The following CATSPER3 variants were observed in gnomAD, a reference collection of about 807,000 sequenced individuals.
CATSPER3 encodes cation channel sperm-associated protein 3.
Under a neutral mutation model 36.6 loss-of-function variants are expected in CATSPER3, and 23 were observed. That is an observed-to-expected ratio of 0.63 (90% CI 0.45 to 0.89). The LOEUF (loss-of-function observed/expected upper bound fraction) is 0.89, where lower values mean the gene tolerates loss of function less well. CATSPER3 is among the 40% of genes least tolerant of loss of function. CATSPER3 has a pLI of 0.00. For synonymous variants in CATSPER3, 172 were observed against 184.1 expected, an observed-to-expected ratio of 0.93 and a Z score of 0.53; for missense variants, 474 against 503.9, an observed-to-expected ratio of 0.94 and a Z score of 0.57.
At chr5:134,993,681 A>G (rs1457047316) in intron 2 of CATSPER3, among the ~76,000 whole-genome samples, 1 of 152,240 alleles carries the variant, frequency 6.6e-6, no homozygotes, top group Non-Finnish European at 1.5e-5. Flanking sequence ...AAAAAAAATT[A>G]TAAAACTGAT....
chr5:134,982,553 A>G (rs1191349820), intron 2 of CATSPER3, among the ~76,000 whole-genome samples: 2 of 152,010 alleles, frequency 1.3e-5, no homozygotes, highest in Non-Finnish European at 2.9e-5. Flanking sequence ...CATGTTTAAA[A>G]TATAAAAGAA....
chr5:134,992,477 C>A (rs547363280), intron 2 of CATSPER3, among the ~76,000 whole-genome samples: 4 of 152,222 alleles, frequency 2.6e-5, no homozygotes, highest in African/African-American at 9.6e-5. Context: ...GTAATCCTAG[C>A]ACTTTGGAAG....
At chr5:134,980,929 A>C (rs138857357) in intron 2 of CATSPER3, among the ~76,000 whole-genome samples, 1 of 152,146 alleles carries the variant, frequency 6.6e-6, no homozygotes, top group Admixed American at 6.5e-5. Context: ...GTATCTCACT[A>C]TGTTGCTCTC....
rs138866549 is a variant in CATSPER3 at position 134,997,962 on chromosome 5, G to A, written c.492+1450G>A. On this transcript the variant is annotated intron_variant, in intron 3 of 7. Transcript: ENST00000282611. ...TTATTCTTTAAGTTCTAGGGTACAC[G>A]TGCACAACGTGCAGGTTTGTTACAT... 6.6e-3 allele frequency among the ~76,000 whole-genome samples: 1,004 copies of A among 152,094 alleles called. 15 individuals carry two copies. Among genetic ancestry groups the A allele is most frequent in the African/African-American group, 0.023 (940 of 41,466 alleles).
intron 3 of CATSPER3, among the ~76,000 whole-genome samples, chr5:134,996,878 C>G (rs1358564184): frequency 6.6e-6 from 1 of 152,212 alleles, no homozygotes; most frequent in Admixed American, 6.5e-5. Context: ...CCCAGGACGC[C>G]TTGGCTTTTT....
At chr5:134,990,299 A>G (rs1304499528) in intron 2 of CATSPER3, among the ~76,000 whole-genome samples, 3 of 152,216 alleles carry the variant, frequency 2.0e-5, no homozygotes, top group Admixed American at 6.5e-5. Flanking sequence ...AACATATGTA[A>G]GATGAACATT....
chr5:135,002,105 TG>T (rs1752027447), intron 3 of CATSPER3, among the ~76,000 whole-genome samples: 1 of 152,268 alleles, frequency 6.6e-6, no homozygotes, highest in South Asian at 2.1e-4. Context: ...TGTTACTGGT[TG>T]TTCCTTTCCA....
rs778365595 is a variant in CATSPER3, at chr5:135,007,958, C to T, written c.494C>T (p.Thr165Met). ...TACCACAGTGTCCCTGCCTTGCAGA[C>T]GCTGATCACCGCCGTGGGGCAGACA... ...KLIGYSQGIR[T>M]LITAVGQTVY... The change falls in exon 4 of 8, where the codon ACG becomes ATG. Residue 165 changes from threonine (T) to methionine (M), a missense_variant and splice_region_variant. Transcript: ENST00000282611. 1.5e-5 allele frequency: 24 copies of T among 1,613,658 alleles called. No homozygotes were observed. Among genetic ancestry groups the T allele is most frequent in the East Asian group, 1.1e-4 (5 of 44,872 alleles).
At position 135,008,071 on chromosome 5, in the gene CATSPER3, G is replaced by T; in HGVS notation, c.607G>T (p.Asp203Tyr). ...ILGFCLFGSP[D>Y]NGDHDNWGNL... ...GGGCTTCTGCCTGTTTGGATCTCCA[G>T]ACAATGGTGACCATGATAACTGGGG... The change falls in exon 4 of 8, where the codon GAC becomes TAC. Residue 203 changes from aspartate (D) to tyrosine (Y), a missense_variant. Physicochemically the swap from Asp to Tyr is radical, Grantham distance 160. Coordinates refer to ENST00000282611, the MANE Select transcript of CATSPER3 (RefSeq NM_178019.3). 6.2e-7 allele frequency: 1 copy of T among 1,614,062 alleles called. No individual in the cohort carries two copies. The highest frequency in any genetic ancestry group is 8.5e-7 in the Non-Finnish European group (1 of 1,179,914).
rs780295737 is a variant in CATSPER3 at position 135,011,527 on chromosome 5, A to T, written c.1101A>T (p.Gln367His). The T allele has an allele frequency of 6.2e-7, 1 of 1,613,146 alleles. No homozygotes were observed. The highest frequency in any genetic ancestry group is 2.2e-5 in the East Asian group (1 of 44,874). Reference sequence around the variant, plus strand: ...CTCCTGCTCCATTTTTCAGGCTTCAAGAGCTGTACTATGAGATCGTGCATG... The same window carrying T: ...CTCCTGCTCCATTTTTCAGGCTTCATGAGCTGTACTATGAGATCGTGCATG... ...DYQDTTVHKL[Q>H]ELYYEIVHVL... Residue 367 changes from glutamine (Q) to histidine (H), a missense_variant, in exon 8 of 8, where the codon CAA (glutamine) becomes CAT (histidine). By Grantham distance (24) the Gln-to-His change is conservative. Transcript: ENST00000282611.
chr5:134,995,076 C>CA (rs1751928215), intron 2 of CATSPER3, among the ~76,000 whole-genome samples: 2 of 151,156 alleles, frequency 1.3e-5, no homozygotes, highest in African/African-American at 2.4e-5. Flanking sequence ...TTTTGGGCTA[C>CA]TTGATACATT....
chr5:134,999,421 A>G (rs1331963609), intron 3 of CATSPER3, among the ~76,000 whole-genome samples: 1 of 152,122 alleles, frequency 6.6e-6, no homozygotes, highest in South Asian at 2.1e-4. Context: ...TGAACTTTAA[A>G]GTAGTTTTTT....
intron 1 of CATSPER3, 59 bp downstream of exon 1, chr5:134,968,148 A>G: frequency 8.3e-7 from 1 of 1,202,566 alleles, no homozygotes; most frequent in Non-Finnish European, 1.2e-6. Flanking sequence ...GTGTGAGGGC[A>G]GGGTGTCAGT....
chr5:134,970,162 ATTT>A, intron 2 of CATSPER3, 70 bp downstream of exon 2: 11 of 1,245,968 alleles, frequency 8.8e-6, no homozygotes, highest in South Asian at 2.6e-5. Context: ...ACATTATAAG[ATTT>A]TTTTTTTTTT....
chr5:135,009,430 A>G lies in CATSPER3; in HGVS notation c.876A>G (p.Gly292=). The change falls in exon 6 of 8, where the codon GGA becomes GGG. Residue 292 remains glycine (G), a synonymous_variant. Coordinates refer to ENST00000282611, the MANE Select transcript of CATSPER3 (RefSeq NM_178019.3). The part of the protein sequence containing the change: ...LMLEQQEMLM[G]EKQVILQRQQ... ...TGGAGCAGCAGGAGATGCTCATGGG[A>G]GAGAAGCAGGTGATTCTGCAGCGGC... 1.9e-6 allele frequency: 3 copies of G among 1,613,044 alleles called. No individual in the cohort carries two copies. Among genetic ancestry groups the G allele is most frequent in the Non-Finnish European group, 2.5e-6 (3 of 1,179,318 alleles).
intron 5 of CATSPER3, 76 bp downstream of exon 5, chr5:135,009,057 G>A: frequency 6.3e-7 from 1 of 1,578,988 alleles, no homozygotes; most frequent in Non-Finnish European, 8.7e-7. Context: ...CTCCAGGGAG[G>A]ACCTGGAGCT....
intron 2 of CATSPER3, among the ~76,000 whole-genome samples, chr5:134,984,765 TACTG>T (rs1350978230): frequency 6.6e-6 from 1 of 151,448 alleles, no homozygotes. Context: ...GCAATCCCAC[TACTG>T]ACTATCTCCC....
At chr5:134,978,976 C>T (rs968485673) in intron 2 of CATSPER3, among the ~76,000 whole-genome samples, 1 of 152,184 alleles carries the variant, frequency 6.6e-6, no homozygotes, top group East Asian at 1.9e-4. Flanking sequence ...CCCGCCTCGG[C>T]CTCCCAAAGT....
At chr5:135,004,993 G>C (rs1254045541) in intron 3 of CATSPER3, among the ~76,000 whole-genome samples, 2 of 152,136 alleles carry the variant, frequency 1.3e-5, no homozygotes, top group Non-Finnish European at 2.9e-5. Context: ...CCAGAGACCA[G>C]TGGGAATCAT....
Sources: gnomAD v4.1 joint callset for allele counts (sites outside exome capture counted in the v4.1 genomes callset) on GRCh38, gnomAD v4.1.1 for gene constraint, MANE v1.5 for transcripts, NCBI Gene and HGNC (gene_info 2026-07-23, HGNC 2026-07-21) for gene names.